The following YEATS2 variants were observed in gnomAD, a reference collection of about 807,000 sequenced individuals.
YEATS2 encodes YEATS domain containing 2, also known as YEATS domain-containing protein 2.
In YEATS2, 77 loss-of-function variants were observed where a neutral mutation model predicts 163.2. That is an observed-to-expected ratio of 0.47 (90% CI 0.39 to 0.57). YEATS2 has a LOEUF of 0.57. Ranked by LOEUF, YEATS2 falls within the 20% of genes least tolerant of loss-of-function variation. YEATS2 has a pLI of 0.00. For missense variants in YEATS2, 1,549 were observed against 1,729.8 expected (o/e 0.90, Z 1.85); for synonymous variants, 631 against 645.1 (o/e 0.98, Z 0.33).
Position 183,756,564 on chromosome 3 carries a change from C to A in YEATS2, c.1427C>A (p.Pro476His). ...PISTPSPSPL[P>H]RTPTSTPVHV... Reference sequence around the variant, plus strand: ...TCAACTCCAAGCCCATCACCATTGCCTCGAACCCCGACTTCCACTCCAGTC... The same window carrying A: ...TCAACTCCAAGCCCATCACCATTGCATCGAACCCCGACTTCCACTCCAGTC... The change falls in exon 12 of 31, where the codon CCT becomes CAT. Residue 476 changes from proline (P) to histidine (H), a missense_variant. By Grantham distance (77) the Pro-to-His change is moderately conservative. Transcript: ENST00000305135. The A allele has an allele frequency of 6.2e-7, 1 of 1,604,346 alleles. No individual in the cohort carries two copies. The highest frequency in any genetic ancestry group is 1.1e-5 in the South Asian group (1 of 88,294).
chr3:183,707,678 A>ATTTTTTTTTTTTTTTTT (rs1176429941), intron 1 of YEATS2, among the ~76,000 whole-genome samples: 3 of 106,158 alleles, frequency 2.8e-5, no homozygotes, highest in African/African-American at 7.5e-5. Flanking sequence ...TTCCCCACCT[A>ATTTTTTTTTTTTTTTTT]TTTTTTTTTT....
chr3:183,782,276 A>G (rs1411700795), intron 19 of YEATS2, among the ~76,000 whole-genome samples: 1 of 150,764 alleles, frequency 6.6e-6, no homozygotes, highest in Non-Finnish European at 1.5e-5. Flanking sequence ...AGCCTGGCTA[A>G]TTTTGTATTT....
intron 7 of YEATS2, among the ~76,000 whole-genome samples, chr3:183,729,259 G>C (rs113649940): frequency 6.7e-6 from 1 of 149,588 alleles, no homozygotes; most frequent in African/African-American, 2.5e-5. Context: ...GCGACAGAGC[G>C]AGACTCTGTC....
rs139003135 is a variant in YEATS2, at chr3:183,754,087, G to A, written c.1151-39G>A. ...CAACGGTAAGGTTTTATTTCAAAGCGATTGATGACTTGCCGTTTGCCTCTT... is the reference window on the plus strand; with the variant it reads ...CAACGGTAAGGTTTTATTTCAAAGCAATTGATGACTTGCCGTTTGCCTCTT... On this transcript the variant is annotated intron_variant, in intron 10 of 30. Transcript: ENST00000305135. 9.3e-6 allele frequency: 14 copies of A among 1,500,848 alleles called. No individual in the cohort carries two copies. The East Asian group carries it at 1.6e-4, about 17-fold the overall frequency. The allele number at this position is 1,500,848 out of a possible 1,614,324, so 93.0% of individuals were successfully genotyped here.
rs201549282 is a variant in YEATS2, at chr3:183,798,994, G to T, written c.3325+5G>T. 8.1e-6 allele frequency: 13 copies of T among 1,608,946 alleles called. No individual in the cohort carries two copies. The highest frequency in any genetic ancestry group is 1.0e-5 in the Non-Finnish European group (12 of 1,175,460). On this transcript the variant is annotated splice_donor_5th_base_variant and intron_variant, in intron 23 of 30. Transcript: ENST00000305135. ...CTCCAGCAGCTGTTGCAAAAGGTAC[G>T]TAGGATCTCACAGAGTTCTCGTCCA... is the stretch of plus-strand genomic sequence containing the variant.
At chr3:183,786,382 C>A in intron 20 of YEATS2, 81 bp downstream of exon 20, 4 of 1,342,646 alleles carry the variant, frequency 3.0e-6, no homozygotes, top group Admixed American at 2.4e-5. Context: ...AGCAGGCACA[C>A]CAGTGGACCT....
intron 4 of YEATS2, among the ~76,000 whole-genome samples, chr3:183,720,757 A>G (rs1024599423): frequency 2.0e-5 from 3 of 152,164 alleles, no homozygotes; most frequent in African/African-American, 7.2e-5. Context: ...TCTCACTATT[A>G]TGAAGTCTAG....
chr3:183,729,128 T>C (rs572885080), intron 7 of YEATS2, among the ~76,000 whole-genome samples: 5 of 152,140 alleles, frequency 3.3e-5, no homozygotes, highest in South Asian at 2.1e-4. Context: ...AAAAATTAGC[T>C]GGGCGTGGTG....
chr3:183,700,695 C>T (rs1456337606), intron 1 of YEATS2, among the ~76,000 whole-genome samples: 4 of 134,364 alleles, frequency 3.0e-5, no homozygotes, highest in Non-Finnish European at 6.1e-5. Flanking sequence ...TGCTTGAACC[C>T]GGGAGGTGGA....
chr3:183,800,601 G>A (rs762435227), intron 24 of YEATS2, 33 bp downstream of exon 24: 10 of 1,578,950 alleles, frequency 6.3e-6, no homozygotes, highest in Admixed American at 3.4e-5. Context: ...AAGGAATTCC[G>A]CTTCGGGTGT....
rs773127400 is a variant in YEATS2 at position 183,804,172 on chromosome 3, G to T, written c.3768G>T (p.Gln1256His). 4 of 1,614,048 alleles carry T rather than the reference G, an allele frequency of 2.5e-6. No homozygotes were observed. The highest frequency in any genetic ancestry group is 3.4e-6 in the Non-Finnish European group (4 of 1,180,036). ...DGDSIEDVLT[Q>H]IDSEPECPSS... ...ACTCCATCGAGGACGTGCTGACCCA[G>T]ATCGACAGCGAGCCCGGTAAGCCTT... Residue 1256 changes from glutamine to histidine, a missense_variant, in exon 27 of 31, where the codon CAG (glutamine) becomes CAT (histidine). Gln to His is a conservative substitution (Grantham distance 24). Transcript: ENST00000305135.
At chr3:183,792,349 T>C (rs971272549) in intron 21 of YEATS2, among the ~76,000 whole-genome samples, 7 of 152,012 alleles carry the variant, frequency 4.6e-5, no homozygotes, top group Non-Finnish European at 8.8e-5. Context: ...CCTGTGTCGA[T>C]GTGTTCTCAT....
chr3:183,715,304 T>A, intron 2 of YEATS2, 42 bp downstream of exon 2: 1 of 1,422,298 alleles, frequency 7.0e-7, no homozygotes, highest in Non-Finnish European at 9.9e-7. Context: ...TATTGACATA[T>A]GCCTCCGCTA....
At chr3:183,746,068 C>T (rs768233939) in intron 8 of YEATS2, among the ~76,000 whole-genome samples, 20 of 151,778 alleles carry the variant, frequency 1.3e-4, no homozygotes, top group Non-Finnish European at 2.4e-4. Context: ...TTTGTTCGTT[C>T]GTTTGTTTTT....
intron 28 of YEATS2, 186 bp downstream of exon 28, chr3:183,807,278 TC>T: frequency 1.7e-6 from 1 of 585,412 alleles, no homozygotes; most frequent in Non-Finnish European, 3.0e-6. Context: ...CTCTCAGGGC[TC>T]CCACCGTCCC....
chr3:183,707,512 T>G (rs192884823), intron 1 of YEATS2, among the ~76,000 whole-genome samples: 276 of 152,236 alleles, frequency 1.8e-3, no homozygotes, highest in Non-Finnish European at 2.6e-3. Context: ...ATTCAGATAT[T>G]TAATAAAGGA....
intron 15 of YEATS2, among the ~76,000 whole-genome samples, chr3:183,770,602 ATAAAGT>A (rs1260189520): frequency 2.6e-5 from 4 of 152,212 alleles, no homozygotes; most frequent in African/African-American, 9.6e-5. Flanking sequence ...AACATTTCTG[ATAAAGT>A]TGAAGTCCAC....
In YEATS2 at chr3:183,697,835, G is replaced by T. The variant is rs1007057599; in HGVS notation, c.-178G>T. 6.7e-6 allele frequency: 1 copy of T among 150,336 alleles called. No homozygotes were observed. Among genetic ancestry groups the T allele is most frequent in the African/African-American group, 2.4e-5 (1 of 41,152 alleles). The allele number at this position is 150,336 out of a possible 1,614,324, so 9.3% of individuals were successfully genotyped here. A position where few individuals can be genotyped will look rare whatever the true frequency, so the allele number is the denominator to read the frequency against. ...GCTGACGTGCGGGGCGGAACGCGCC[G>T]GGCGGGCTCCACCGCGCCGTGTGCT... is the stretch of plus-strand genomic sequence containing the variant. On this transcript the variant is annotated 5_prime_UTR_variant, in exon 1 of 31. Coordinates refer to ENST00000305135, the MANE Select transcript of YEATS2 (RefSeq NM_018023.5).
intron 15 of YEATS2, among the ~76,000 whole-genome samples, chr3:183,770,116 C>T (rs554179409): frequency 2.0e-5 from 3 of 151,870 alleles, no homozygotes; most frequent in South Asian, 4.2e-4. Context: ...TGGCCGGGTG[C>T]GGTGGCTCAC....
Sources: allele counts gnomAD v4.1 joint callset (sites outside exome capture counted in the v4.1 genomes callset), GRCh38; gene constraint gnomAD v4.1.1; transcripts MANE v1.5; gene names NCBI Gene and HGNC (gene_info 2026-07-23, HGNC 2026-07-21).